Variants in MECOM observed in about 807,000 individuals in gnomAD.
The protein encoded by MECOM is MDS1 and EVI1 complex locus.
Under a neutral mutation model 116.3 loss-of-function variants are expected in MECOM, and 13 were observed. That is an observed-to-expected ratio of 0.11 (90% CI 0.07 to 0.18). The LOEUF (loss-of-function observed/expected upper bound fraction) is 0.18, where lower values mean the gene tolerates loss of function less well. Ranked by LOEUF, MECOM falls within the 10% of genes least tolerant of loss-of-function variation. MECOM has a pLI of 1.00. For synonymous variants in MECOM, 528 were observed against 535.2 expected (o/e 0.99, Z 0.19); for missense variants, 1,299 against 1,509.0 (o/e 0.86, Z 2.31).
chr3:169,523,422 T>C (rs896280237), intron 1 of MECOM, among the ~76,000 whole-genome samples: 1 of 121,168 alleles, frequency 8.3e-6, no homozygotes, highest in South Asian at 2.6e-4. Context: ...GAAAACTCAC[T>C]ACTGCAGGTA....
chr3:169,284,089 C>T (rs1318692532), intron 2 of MECOM, among the ~76,000 whole-genome samples: 1 of 152,200 alleles, frequency 6.6e-6, no homozygotes, highest in East Asian at 1.9e-4. Flanking sequence ...TTGCTGGTGC[C>T]AGGCTTTGTG....
At chr3:169,226,105 C>A (rs1421205206) in intron 2 of MECOM, among the ~76,000 whole-genome samples, 1 of 152,166 alleles carries the variant, frequency 6.6e-6, no homozygotes, top group Non-Finnish European at 1.5e-5. Flanking sequence ...CTTGCCTAAC[C>A]TAGATGGTCA....
rs554601303 is a variant in MECOM at position 169,237,228 on chromosome 3, G to A, written c.376-93396C>T. Among the ~76,000 whole-genome samples, 4 of 152,212 alleles carry A rather than the reference G, an allele frequency of 2.6e-5. No individual in the cohort carries two copies. In the East Asian group the frequency reaches 7.7e-4, roughly 29 times the overall value. ...CAAAAGACTCAGCATTAGCTTCTAT[G>A]AAAATATTTCTTTGGTCACATTAAA... On this transcript the variant is annotated intron_variant, in intron 2 of 16. Transcript: ENST00000651503.
intron 2 of MECOM, among the ~76,000 whole-genome samples, chr3:169,374,764 G>A (rs1730731518): frequency 1.3e-5 from 2 of 151,958 alleles, no homozygotes; most frequent in Non-Finnish European, 2.9e-5. Context: ...TGGGCATGGT[G>A]GCTCATACTT....
At position 169,633,504 on chromosome 3, in the gene MECOM, C is replaced by T. The variant is rs78422588; in HGVS notation, c.37+29832G>A. ...AACATCAACCCACAGGAGTGGGATT[C>T]AAAGAACAAAAGGTTCTTGGAGGGT... On this transcript the variant is annotated intron_variant, in intron 1 of 16. Coordinates refer to ENST00000651503, the MANE Select transcript of MECOM (RefSeq NM_004991.4). 7.4e-3 allele frequency among the ~76,000 whole-genome samples: 1,125 copies of T among 152,292 alleles called. 4 individuals carry two copies. The highest frequency in any genetic ancestry group is 0.048 in the Middle Eastern group (14 of 294).
intron 1 of MECOM, among the ~76,000 whole-genome samples, chr3:169,584,910 G>C (rs181126120): frequency 6.6e-5 from 10 of 152,302 alleles, no homozygotes; most frequent in Admixed American, 2.6e-4. Context: ...AAAAGGAAAA[G>C]ACAATATAAA....
At chr3:169,362,873 C>T (rs1009589452) in intron 2 of MECOM, among the ~76,000 whole-genome samples, 1 of 151,876 alleles carries the variant, frequency 6.6e-6, no homozygotes, top group Admixed American at 6.6e-5. Context: ...AGACCTTTTG[C>T]TTCCATTTCT....
At chr3:169,437,719 G>A (rs1456909824) in intron 1 of MECOM, among the ~76,000 whole-genome samples, 1 of 152,142 alleles carries the variant, frequency 6.6e-6, no homozygotes, top group Non-Finnish European at 1.5e-5. Context: ...TTTTCATATG[G>A]CATTTTTCCT....
chr3:169,609,306 G>A (rs996493311), intron 1 of MECOM, among the ~76,000 whole-genome samples: 10 of 152,072 alleles, frequency 6.6e-5, no homozygotes, highest in African/African-American at 2.4e-4. Flanking sequence ...TATGCTACTG[G>A]GGACTCTGAA....
At chr3:169,385,207 A>G (rs140042142) in intron 1 of MECOM, among the ~76,000 whole-genome samples, 73 of 152,206 alleles carry the variant, frequency 4.8e-4, no homozygotes, top group Middle Eastern at 3.4e-3. Flanking sequence ...CTCCCAATGC[A>G]TAATCTAAGC....
At chr3:169,517,503 GAGCAGGGA>G (rs1272585144) in intron 1 of MECOM, among the ~76,000 whole-genome samples, 1 of 152,178 alleles carries the variant, frequency 6.6e-6, no homozygotes, top group East Asian at 1.9e-4. Flanking sequence ...CTATAAGAGG[GAGCAGGGA>G]AGGAAATGTC....
intron 1 of MECOM, among the ~76,000 whole-genome samples, chr3:169,394,892 G>T (rs1319911967): frequency 3.9e-5 from 6 of 152,098 alleles, no homozygotes; most frequent in South Asian, 4.1e-4. Context: ...GGGCATATCT[G>T]CATTTTTCTT....
At chr3:169,511,177 T>A (rs1392022562) in intron 1 of MECOM, among the ~76,000 whole-genome samples, 2 of 152,254 alleles carry the variant, frequency 1.3e-5, no homozygotes, top group African/African-American at 2.4e-5. Context: ...TTTGTAGGTA[T>A]CACATCAGAC....
At chr3:169,250,670 C>T (rs781412991) in intron 2 of MECOM, among the ~76,000 whole-genome samples, 9 of 152,048 alleles carry the variant, frequency 5.9e-5, no homozygotes, top group Non-Finnish European at 1.2e-4. Flanking sequence ...CCTAATTATT[C>T]CTGTGGTTGT....
intron 2 of MECOM, chr3:169,146,259 G>C (rs1251582087): frequency 1.6e-5 from 19 of 1,184,514 alleles, no homozygotes; most frequent in East Asian, 3.9e-5. Flanking sequence ...TGACTTTCTC[G>C]CGAAGCAGCA....
At chr3:169,524,738 T>A (rs528829500) in intron 1 of MECOM, among the ~76,000 whole-genome samples, 1 of 152,346 alleles carries the variant, frequency 6.6e-6, no homozygotes, top group East Asian at 1.9e-4. Flanking sequence ...ATTTGGACTA[T>A]CTTTATTTCT....
intron 1 of MECOM, among the ~76,000 whole-genome samples, chr3:169,538,962 A>C (rs1759728713): frequency 1.3e-5 from 2 of 152,172 alleles, no homozygotes; most frequent in Non-Finnish European, 2.9e-5. Flanking sequence ...GAGAAGACTC[A>C]AGTCCTGTAA....
At chr3:169,413,490 A>AT (rs34732503) in intron 1 of MECOM, among the ~76,000 whole-genome samples, 1 of 133,840 alleles carries the variant, frequency 7.5e-6, no homozygotes, top group African/African-American at 2.8e-5. Flanking sequence ...TTTTTTTTTT[A>AT]TTTTTTTTTT....
At chr3:169,253,998 T>C (rs1282565519) in intron 2 of MECOM, among the ~76,000 whole-genome samples, 1 of 152,132 alleles carries the variant, frequency 6.6e-6, no homozygotes. Flanking sequence ...TTTAAGAATT[T>C]CTTGTCAAAA....
Sources: allele counts gnomAD v4.1 joint callset (sites outside exome capture counted in the v4.1 genomes callset), GRCh38; gene constraint gnomAD v4.1.1; transcripts MANE v1.5; gene names NCBI Gene and HGNC (gene_info 2026-07-23, HGNC 2026-07-21).